CRAMP1: variants seen among roughly 807,000 people sequenced by gnomAD.
The protein encoded by CRAMP1 is protein cramped-like.
In CRAMP1, 50 loss-of-function variants were observed where a neutral mutation model predicts 115.4. The observed-to-expected ratio is 0.43, with a 90% CI of 0.35 to 0.55. The LOEUF (loss-of-function observed/expected upper bound fraction) is 0.55. CRAMP1 is among the 20% of genes least tolerant of loss of function. The pLI, the probability that CRAMP1 is intolerant of heterozygous loss-of-function variation, is 0.01. For synonymous variants in CRAMP1, 866 were observed against 745.4 expected (o/e 1.16, Z -2.64); for missense variants, 1,679 against 1,721.7 (o/e 0.98, Z 0.44).
In CRAMP1 at chr16:1,654,679, G is replaced by A. The variant is rs539484984; in HGVS notation, c.1038-540G>A. Among the ~76,000 whole-genome samples, 6 of 152,126 alleles carry A rather than the reference G, an allele frequency of 3.9e-5. No homozygotes were observed. In the South Asian group the frequency reaches 8.3e-4, roughly 21 times the overall value. ...CCATTCTCACCCTCCCACGGCCGCC[G>A]GCACCTCCCAGTCCGCCTTGTGTCT... On this transcript the variant is annotated intron_variant, in intron 8 of 20. Coordinates refer to ENST00000397412, the MANE Select transcript of CRAMP1 (RefSeq NM_020825.4).
intron 1 of CRAMP1, among the ~76,000 whole-genome samples, chr16:1,613,489 A>G (rs1407183503): frequency 2.6e-5 from 4 of 152,172 alleles, no homozygotes; most frequent in South Asian, 2.1e-4. Flanking sequence ...AGTTGAACGC[A>G]GGGTCAGTAT....
rs749911542 is a variant in CRAMP1, at chr16:1,670,753, T to C, written c.3589T>C (p.Leu1197=). ...SGTSLLGPSL[L]DGNSRDSFVS... is the part of the protein sequence containing the mutation. Reference sequence around the variant, plus strand: ...CACTTCCTTGCTTGGCCCCAGCTTGTTGGATGGAAACTCGCGGGACTCATT... The same window carrying C: ...CACTTCCTTGCTTGGCCCCAGCTTGCTGGATGGAAACTCGCGGGACTCATT... The change falls in exon 20 of 21, where the codon TTG becomes CTG. Residue 1197 remains leucine (L), a synonymous_variant. Transcript: ENST00000397412. The C allele has an allele frequency of 6.2e-7, 1 of 1,613,996 alleles. No individual in the cohort carries two copies. The highest frequency in any genetic ancestry group is 8.5e-7 in the Non-Finnish European group (1 of 1,179,884).
rs377301318 is a variant in CRAMP1, at chr16:1,662,823, A to G, written c.2658A>G (p.Pro886=). The G allele has an allele frequency of 6.2e-6, 10 of 1,613,692 alleles. No homozygotes were observed. The highest frequency in any genetic ancestry group is 7.6e-6 in the Non-Finnish European group (9 of 1,179,786). Residue 886 remains proline, a synonymous_variant, in exon 13 of 21, where the codon CCA becomes CCG. Transcript: ENST00000397412. Reference sequence around the variant, plus strand: ...TGCGGAACCGGCACCTGCGGAAGCCACTGGTGGTCCAGGTCAGGGTCTTCT... The same window carrying G: ...TGCGGAACCGGCACCTGCGGAAGCCGCTGGTGGTCCAGGTCAGGGTCTTCT... ...RKLRNRHLRK[P]LVVQRTLLPR...
chr16:1,613,991 C>T (rs1448907083), intron 1 of CRAMP1, among the ~76,000 whole-genome samples: 1 of 151,982 alleles, frequency 6.6e-6, no homozygotes, highest in Non-Finnish European at 1.5e-5. Context: ...CCCGTGCGGG[C>T]AGGCGAGCCC....
At chr16:1,620,618 G>A (rs978304088) in intron 2 of CRAMP1, 2 of 456,972 alleles carry the variant, frequency 4.4e-6, no homozygotes, top group African/African-American at 2.0e-5. Context: ...GGGCTTCTGC[G>A]TCTGACCTCT....
At chr16:1,620,717 C>G (rs1197369099) in intron 2 of CRAMP1, 1 of 455,996 alleles carries the variant, frequency 2.2e-6, no homozygotes, top group Non-Finnish European at 4.4e-6. Flanking sequence ...TCTCACCTTT[C>G]CCAGGCTGAG....
At chr16:1,657,763 G>T (rs1567458935) in intron 10 of CRAMP1, among the ~76,000 whole-genome samples, 1 of 152,162 alleles carries the variant, frequency 6.6e-6, no homozygotes, top group Non-Finnish European at 1.5e-5. Context: ...CTACCCCACA[G>T]CCCCAAGTCC....
In CRAMP1 at chr16:1,654,156, AG is replaced by A. The variant is rs1315841509; in HGVS notation, c.1037+1001del. Among the ~76,000 whole-genome samples the A allele has an allele frequency of 6.3e-4, 96 of 151,662 alleles. 1 individual carries two copies. Among genetic ancestry groups the A allele is most frequent in the African/African-American group, 2.1e-3 (87 of 41,424 alleles). Reference sequence around the variant, plus strand: ...AGATTCCATCTCAAAAAAAAAAAAAAGAAAAAATTGAGGTAAAATTCACATA... The same window carrying A: ...AGATTCCATCTCAAAAAAAAAAAAAAAAAAAATTGAGGTAAAATTCACATA... On this transcript the variant is annotated intron_variant, in intron 8 of 20. Coordinates refer to ENST00000397412, the MANE Select transcript of CRAMP1 (RefSeq NM_020825.4).
In CRAMP1 at chr16:1,671,959, C is replaced by T. The variant is rs1265519874; in HGVS notation, c.3645+1150C>T. Among the ~76,000 whole-genome samples, 1 of 152,240 alleles carries T rather than the reference C, an allele frequency of 6.6e-6. No homozygotes were observed. Among genetic ancestry groups the T allele is most frequent in the Non-Finnish European group, 1.5e-5 (1 of 68,044 alleles). ...GGCGTTTCTCAAACCTGTTTGGCCC[C>T]AGAATCATTATTCAGGGCACACCTT... On this transcript the variant is annotated intron_variant, in intron 20 of 20. Transcript: ENST00000397412. The surrounding 1 kb of genome is among the most constrained non-coding windows in gnomAD (Gnocchi z 5.0).
At chr16:1,639,019 G>A (rs921495118) in intron 5 of CRAMP1, among the ~76,000 whole-genome samples, 1 of 151,916 alleles carries the variant, frequency 6.6e-6, no homozygotes, top group Non-Finnish European at 1.5e-5. Flanking sequence ...GCCTGTTCCT[G>A]CCGCCTCTCA....
rs1358839738 is a variant in CRAMP1, at chr16:1,669,990, C to T, written c.3500-674C>T. ...CTTGAAAAACTGGAAACAGGCCAGG[C>T]GTGGTGGCTCATGTCTGTAATCCCA... On this transcript the variant is annotated intron_variant, in intron 19 of 20. Coordinates refer to ENST00000397412, the MANE Select transcript of CRAMP1 (RefSeq NM_020825.4). This position sits in a 1 kb window ranked among gnomAD's most constrained non-coding sequence, Gnocchi z 4.6. 2.0e-5 allele frequency among the ~76,000 whole-genome samples: 3 copies of T among 152,100 alleles called. No homozygotes were observed. Among genetic ancestry groups the T allele is most frequent in the African/African-American group, 7.2e-5 (3 of 41,398 alleles).
chr16:1,620,468 C>G (rs1056806157), intron 2 of CRAMP1, among the ~76,000 whole-genome samples: 1 of 152,244 alleles, frequency 6.6e-6, no homozygotes, highest in South Asian at 2.1e-4. Flanking sequence ...ACCTCCAGAC[C>G]AGACGCTGAC....
chr16:1,624,444 C>T (rs377565788), intron 2 of CRAMP1, among the ~76,000 whole-genome samples: 88 of 150,972 alleles, frequency 5.8e-4, no homozygotes, highest in Non-Finnish European at 8.8e-4. Context: ...GACAGGGTCT[C>T]GCTCTGCCAT....
intron 6 of CRAMP1, among the ~76,000 whole-genome samples, chr16:1,651,942 G>A (rs1022868184): frequency 3.4e-5 from 5 of 148,838 alleles, no homozygotes; most frequent in Admixed American, 1.3e-4. Context: ...GAGAGGTCAC[G>A]TAGAAGTGGA....
Position 1,655,113 on chromosome 16 carries a change from C to G in CRAMP1, c.1038-106C>G, listed in dbSNP as rs566539126. On this transcript the variant is annotated intron_variant, in intron 8 of 20. Coordinates refer to ENST00000397412, the MANE Select transcript of CRAMP1 (RefSeq NM_020825.4). ...GCTCCCGGGTGCCTCTCCAGAGGTC[C>G]CTTGTCTCTTTTGGCACCCTCCTGC... 76 of 983,880 alleles carry G rather than the reference C, an allele frequency of 7.7e-5. No homozygotes were observed. In the African/African-American group the frequency reaches 9.2e-4, roughly 12 times the overall value. The allele number at this position is 983,880 out of a possible 1,614,324, so 60.9% of individuals were successfully genotyped here. A position where few individuals can be genotyped will look rare whatever the true frequency, so the allele number is the denominator to read the frequency against.
At chr16:1,653,820 CAAAA>C (rs113112609) in intron 8 of CRAMP1, among the ~76,000 whole-genome samples, 3,299 of 58,186 alleles carry the variant, frequency 0.057, 231 homozygotes, top group Admixed American at 0.28. Context: ...GACTCTGTCT[CAAAA>C]AAAAAAAAAA....
chr16:1,642,913 G>C (rs1468348629), intron 6 of CRAMP1, among the ~76,000 whole-genome samples: 1 of 152,240 alleles, frequency 6.6e-6, no homozygotes, highest in Non-Finnish European at 1.5e-5. Flanking sequence ...GCTGCCCAGC[G>C]GGGGCGTGGT....
chr16:1,652,916 C>A, intron 7 of CRAMP1, 117 bp from the exon 8 acceptor site: 1 of 1,258,290 alleles, frequency 7.9e-7, no homozygotes, highest in Non-Finnish European at 1.1e-6. Flanking sequence ...CTCTCCTTGC[C>A]TCTGTTTGCA....
chr16:1,646,317 GCCAGACTCTTC>G (rs751082864), intron 6 of CRAMP1, among the ~76,000 whole-genome samples: 30 of 152,196 alleles, frequency 2.0e-4, no homozygotes, highest in Non-Finnish European at 4.4e-4. Flanking sequence ...ACATGGAGCT[GCCAGACTCTTC>G]CAAGAGAGTT....
Sources: allele counts gnomAD v4.1 joint callset (sites outside exome capture counted in the v4.1 genomes callset), GRCh38; gene constraint gnomAD v4.1.1; non-coding constraint Gnocchi (gnomAD v3.1); transcripts MANE v1.5; gene names NCBI Gene and HGNC (gene_info 2026-07-23, HGNC 2026-07-21).